The following ZNF674 variants were observed in gnomAD, a reference collection of about 807,000 sequenced individuals.
ZNF674 encodes the protein zinc finger family member 674.
A neutral mutation model predicts 7.0 loss-of-function variants in ZNF674; 2 were observed. The observed-to-expected ratio is 0.29, with a 90% CI of 0.12 to 0.90. The LOEUF (loss-of-function observed/expected upper bound fraction) is 0.90. Among genes scored for constraint, ZNF674 ranks in the 40% least tolerant of loss-of-function variants. The pLI is 0.57. For missense variants in ZNF674, 297 were observed against 415.5 expected, an observed-to-expected ratio of 0.71 and a Z score of 2.48; for synonymous variants, 103 against 145.2, an observed-to-expected ratio of 0.71 and a Z score of 2.09.
chrX:46,502,033 C>T (rs1020637411), intron 5 of ZNF674, among the ~76,000 whole-genome samples: 9 of 110,350 alleles, frequency 8.2e-5, no homozygotes, highest in Non-Finnish European at 1.7e-4. Context: ...CCTGGCTGGG[C>T]GCGGTGGCTC....
chrX:46,528,122 AAG>A (rs201301641), intron 5 of ZNF674: 71 of 457,141 alleles, frequency 1.6e-4, no homozygotes, highest in African/African-American at 4.9e-4. Context: ...ATCTCAGAAC[AAG>A]AGTGGCCACA....
At chrX:46,527,711 G>T (rs1942033252) in intron 5 of ZNF674, 1 of 111,556 alleles carries the variant, frequency 9.0e-6, no homozygotes, top group South Asian at 3.8e-4. Context: ...AGTCAGATTT[G>T]TAAGAGTCTG....
chrX:46,501,042 G>A lies in ZNF674; in HGVS notation c.532C>T (p.His178Tyr). The stretch of plus-strand genomic sequence containing the variant: ...GGTTGAGCTTTATGAAGATTATAAT[G>A]GAGGCATACTTTCCAATATGCCTTA... The part of the protein sequence containing the change: ...GCKAYWKVCL[H>Y]YNLHKAQPAE... Residue 178 changes from histidine to tyrosine, a missense_variant, in exon 6 of 6, where the codon CAT becomes TAT. His to Tyr is a moderately conservative substitution (Grantham distance 83, BLOSUM62 2). Transcript: ENST00000683375. 1 of 1,208,881 alleles carries A rather than the reference G, an allele frequency of 8.3e-7. No homozygotes were observed. The highest frequency in any genetic ancestry group is 1.1e-6 in the Non-Finnish European group (1 of 893,914).
At chrX:46,532,655 GCCTTT>G (rs2037493818) in intron 3 of ZNF674, among the ~76,000 whole-genome samples, 1 of 111,586 alleles carries the variant, frequency 9.0e-6, no homozygotes, top group African/African-American at 3.3e-5. Context: ...CCCCTATCTT[GCCTTT>G]AACCTCCAAA....
chrX:46,520,070 A>G (rs1423520836), intron 5 of ZNF674, among the ~76,000 whole-genome samples: 1 of 112,210 alleles, frequency 8.9e-6, no homozygotes, highest in Non-Finnish European at 1.9e-5. Context: ...TTACCAGGCT[A>G]TAAGAGGAGA....
intron 3 of ZNF674, among the ~76,000 whole-genome samples, chrX:46,532,139 G>A (rs1942120667): frequency 8.9e-6 from 1 of 112,024 alleles, no homozygotes; most frequent in Non-Finnish European, 1.9e-5. Flanking sequence ...CTGCACTCCA[G>A]CCTGGGCAAC....
chrX:46,529,238 A>G (rs1942064875), intron 3 of ZNF674: 1 of 271,352 alleles, frequency 3.7e-6, no homozygotes. Flanking sequence ...CATAGAGTAT[A>G]TGACTAAAAT....
At chrX:46,523,198 A>C (rs1226408163) in intron 5 of ZNF674, 1 of 185,801 alleles carries the variant, frequency 5.4e-6, no homozygotes, top group Non-Finnish European at 1.0e-5. Flanking sequence ...GAAAAGATCA[A>C]TACAATGGAT....
chrX:46,499,812 A>G lies in ZNF674; in HGVS notation c.*31T>C. On this transcript the variant is annotated 3_prime_UTR_variant, in exon 6 of 6. Transcript: ENST00000683375. Reference sequence around the variant, plus strand: ...AGTAATAGTCAAATGACAAATAACTACTAGTATAATTATCCCACTCTCAAG... The same window carrying G: ...AGTAATAGTCAAATGACAAATAACTGCTAGTATAATTATCCCACTCTCAAG... The G allele has an allele frequency of 9.6e-7, 1 of 1,037,624 alleles. No homozygotes were observed. The highest frequency in any genetic ancestry group is 2.6e-5 in the South Asian group (1 of 38,699). 85.5% of individuals were successfully genotyped at this position (1,037,624 alleles called of 1,213,427 possible). A position where few individuals can be genotyped will look rare whatever the true frequency, so the allele number is the denominator to read the frequency against.
chrX:46,514,109 G>A (rs1184332496), intron 5 of ZNF674, among the ~76,000 whole-genome samples: 1 of 110,978 alleles, frequency 9.0e-6, no homozygotes, highest in Non-Finnish European at 1.9e-5. Context: ...GAGTGTTAAG[G>A]TTAAAGACGC....
At chrX:46,540,724 A>C (rs1440677006) in intron 3 of ZNF674, among the ~76,000 whole-genome samples, 1 of 111,741 alleles carries the variant, frequency 8.9e-6, no homozygotes, top group Non-Finnish European at 1.9e-5. Flanking sequence ...ACTACAGAGC[A>C]AGTAGATACA....
At chrX:46,522,722 C>T (rs1449810796) in intron 5 of ZNF674, among the ~76,000 whole-genome samples, 1 of 111,810 alleles carries the variant, frequency 8.9e-6, no homozygotes, top group South Asian at 3.7e-4. Context: ...TTGTGTGATA[C>T]CCAAACTAGA....
intron 3 of ZNF674, among the ~76,000 whole-genome samples, chrX:46,538,766 C>A (rs1056652761): frequency 9.0e-6 from 1 of 110,670 alleles, no homozygotes; most frequent in Admixed American, 9.7e-5. Flanking sequence ...GTGGCATGTA[C>A]CTGTATTCCT....
chrX:46,513,171 G>A (rs1168186472), intron 5 of ZNF674, among the ~76,000 whole-genome samples: 1 of 111,046 alleles, frequency 9.0e-6, no homozygotes, highest in Non-Finnish European at 1.9e-5. Context: ...GCTGAGGCAG[G>A]AGAATCACTT....
chrX:46,541,085 G>A (rs1328416545), intron 3 of ZNF674, among the ~76,000 whole-genome samples: 1 of 99,141 alleles, frequency 1.0e-5, no homozygotes, highest in Non-Finnish European at 2.0e-5. Flanking sequence ...AAAAAGGCCA[G>A]GCACGGTGGC....
intron 5 of ZNF674, among the ~76,000 whole-genome samples, chrX:46,517,439 A>G (rs951699003): frequency 6.3e-5 from 7 of 111,646 alleles, no homozygotes; most frequent in Non-Finnish European, 1.3e-4. Context: ...ATAATAACCA[A>G]AAACTTCCCA....
chrX:46,528,871 G>C lies in ZNF674; in HGVS notation c.54C>G (p.Thr18=). Residue 18 remains threonine, a synonymous_variant, in exon 4 of 6, where the codon ACC becomes ACG. Coordinates refer to ENST00000683375, the MANE Select transcript of ZNF674 (RefSeq NM_001190417.2). ...LTFKDVFVDF[T]LEEWQQLDSA... ...AGTCCAGTTGCTGCCACTCCTCCAG[G>C]GTGAAGTCCACAAACACGTCCTTGA... 1.7e-6 allele frequency: 2 copies of C among 1,211,587 alleles called. No individual in the cohort carries two copies. The highest frequency in any genetic ancestry group is 2.2e-6 in the Non-Finnish European group (2 of 895,493).
rs1179871026 is a variant in ZNF674, at chrX:46,500,477, C to T, written c.1097G>A (p.Ser366Asn). Residue 366 changes from serine (S) to asparagine (N), a missense_variant, in exon 6 of 6, where the codon AGT becomes AAT. Physicochemically the swap from Ser to Asn is conservative, Grantham distance 46. Coordinates refer to ENST00000683375, the MANE Select transcript of ZNF674 (RefSeq NM_001190417.2). ...ATGAGTTCTCCAATGTTTAGTGGGA[C>T]TGGGCTTCTCATCAGAGGCTTTCCC... The part of the protein sequence containing the change: ...EHGKASDEKP[S>N]PTKHWRTHTK... 1.2e-5 allele frequency: 14 copies of T among 1,211,928 alleles called. No homozygotes were observed. The highest frequency in any genetic ancestry group is 1.6e-5 in the Non-Finnish European group (14 of 895,426).
intron 5 of ZNF674, among the ~76,000 whole-genome samples, chrX:46,522,029 A>G (rs1941924488): frequency 9.2e-6 from 1 of 108,415 alleles, no homozygotes; most frequent in Non-Finnish European, 1.9e-5. Flanking sequence ...CAAGTCACTC[A>G]AGTTCTCTAT....
Sources: allele counts gnomAD v4.1 joint callset (sites outside exome capture counted in the v4.1 genomes callset), GRCh38; gene constraint gnomAD v4.1.1; transcripts MANE v1.5; gene names NCBI Gene and HGNC (gene_info 2026-07-23, HGNC 2026-07-21).